The following PLB1 variants were observed in gnomAD, a reference collection of about 807,000 sequenced individuals.
The protein encoded by PLB1 is phospholipase B1.
Under a neutral mutation model 227.4 loss-of-function variants are expected in PLB1, and 242 were observed. The observed-to-expected ratio is 1.06, with a 90% confidence interval of 0.96 to 1.18. The LOEUF (loss-of-function observed/expected upper bound fraction) is 1.18, where lower values mean the gene tolerates loss of function less well. Among genes scored for constraint, PLB1 ranks in the 50% most tolerant of loss-of-function variants. The pLI is 0.00. For synonymous variants in PLB1, 757 were observed against 682.2 expected, an observed-to-expected ratio of 1.11 and a Z score of -1.71; for missense variants, 1,858 against 1,816.3, an observed-to-expected ratio of 1.02 and a Z score of -0.42.
chr2:28,520,672 A>G (rs1002301697), intron 4 of PLB1, among the ~76,000 whole-genome samples: 8 of 152,090 alleles, frequency 5.3e-5, no homozygotes, highest in African/African-American at 1.9e-4. Context: ...AGTTCTAGGT[A>G]CCTCATATAA....
Position 28,573,231 on chromosome 2 carries a change from C to T in PLB1, c.1359C>T (p.Gly453=). The T allele has an allele frequency of 6.2e-7, 1 of 1,614,136 alleles. No homozygotes were observed. The highest frequency in any genetic ancestry group is 8.5e-7 in the Non-Finnish European group (1 of 1,179,992). The change falls in exon 21 of 58, where the codon GGC becomes GGT. Residue 453 remains glycine (G), a synonymous_variant. Transcript: ENST00000327757. The part of the protein sequence containing the change: ...ILREFNPSLK[G]FSVGTGKETS... The stretch of plus-strand genomic sequence containing the variant: ...GGGAATTCAACCCTTCCCTGAAGGG[C>T]TTCTCTGTTGGCACTGGGAAAGAAA...
rs76025736 is a variant in PLB1, at chr2:28,609,664, A to C, written c.3129+3097A>C. ...TCTCAAGCTTAACATTCATTCAAAA[A>C]ATAATTTTCTGAGCAAGGAGTGTCT... On this transcript the variant is annotated intron_variant, in intron 43 of 57. Transcript: ENST00000327757. 8.9e-4 allele frequency among the ~76,000 whole-genome samples: 135 copies of C among 152,330 alleles called. 2 individuals are homozygous for C. The East Asian group carries it at 0.02, about 23-fold the overall frequency.
At chr2:28,585,281 T>C (rs1680715445) in intron 25 of PLB1, among the ~76,000 whole-genome samples, 1 of 152,096 alleles carries the variant, frequency 6.6e-6, no homozygotes, top group East Asian at 1.9e-4. Context: ...TTTTCTTTTT[T>C]TTTTTTTCTT....
chr2:28,583,849 CA>C (rs201248672), intron 25 of PLB1, among the ~76,000 whole-genome samples: 395 of 144,340 alleles, frequency 2.7e-3, no homozygotes, highest in Middle Eastern at 3.6e-3. Flanking sequence ...GCAAATATTC[CA>C]AAAAAAAAAA....
intron 6 of PLB1, among the ~76,000 whole-genome samples, chr2:28,527,256 C>G (rs1382992807): frequency 3.3e-5 from 5 of 152,156 alleles, no homozygotes; most frequent in Non-Finnish European, 2.9e-5. Flanking sequence ...GCCAGGAGTC[C>G]CAGCTGGCCA....
intron 1 of PLB1, among the ~76,000 whole-genome samples, chr2:28,497,484 C>CT (rs773941404): frequency 6.6e-6 from 1 of 152,180 alleles, no homozygotes; most frequent in African/African-American, 2.4e-5. Flanking sequence ...GACCAGCTGA[C>CT]TAGAGGCACG....
rs60393903 is a variant in PLB1 at position 28,562,540 on chromosome 2, CAA to C, written c.1148-483_1148-482del. 3.1e-3 allele frequency among the ~76,000 whole-genome samples: 130 copies of C among 42,602 alleles called. 6 individuals are homozygous for C. The highest frequency in any genetic ancestry group is 2.7e-3 in the Non-Finnish European group (69 of 25,458). 27.9% of individuals were successfully genotyped at this position (42,602 alleles called of 152,430 possible). On this transcript the variant is annotated intron_variant, in intron 17 of 57. Coordinates refer to ENST00000327757, the MANE Select transcript of PLB1 (RefSeq NM_153021.5). ...CTGGAGACAGAGCAAGACTCTGTCT[CAA>C]AAAAAAAAAAAAAAAAAGTCAGTGG... is the stretch of plus-strand genomic sequence containing the variant.
intron 17 of PLB1, among the ~76,000 whole-genome samples, chr2:28,560,665 T>C (rs750264992): frequency 2.0e-5 from 3 of 152,108 alleles, no homozygotes; most frequent in Non-Finnish European, 4.4e-5. Flanking sequence ...AACGAATATA[T>C]TGATAGATGC....
rs188921714 is a variant in PLB1 at position 28,529,356 on chromosome 2, C to T, written c.365C>T (p.Pro122Leu). Reference sequence around the variant, plus strand: ...ATCAGATATTTCAGTCCTTCTGTTCCAATGCCTGTGTGCCACACTGGAAAG... The same window carrying T: ...ATCAGATATTTCAGTCCTTCTGTTCTAATGCCTGTGTGCCACACTGGAAAG... ...DIIRYFSPSV[P>L]MPVCHTGKRV... Residue 122 changes from proline to leucine, a missense_variant, in exon 7 of 58, where the codon CCA becomes CTA. Pro to Leu is a moderately conservative substitution (Grantham distance 98, BLOSUM62 -3). Coordinates refer to ENST00000327757, the MANE Select transcript of PLB1 (RefSeq NM_153021.5). The T allele has an allele frequency of 5.6e-6, 9 of 1,611,860 alleles. No individual in the cohort carries two copies. The highest frequency in any genetic ancestry group is 6.8e-6 in the Non-Finnish European group (8 of 1,178,008).
intron 1 of PLB1, among the ~76,000 whole-genome samples, chr2:28,516,538 G>A (rs1264040390): frequency 6.6e-6 from 1 of 152,192 alleles, no homozygotes; most frequent in Non-Finnish European, 1.5e-5. Flanking sequence ...ATGTGCTTGT[G>A]CATGATATAA....
At chr2:28,628,235 G>C (rs907353247) in intron 51 of PLB1, among the ~76,000 whole-genome samples, 2 of 152,336 alleles carry the variant, frequency 1.3e-5, no homozygotes, top group Middle Eastern at 3.4e-3. Flanking sequence ...GCTGGAGAAG[G>C]CTGAGGTCAG....
At chr2:28,522,249 G>T (rs147009648) in intron 4 of PLB1, among the ~76,000 whole-genome samples, 118 of 151,990 alleles carry the variant, frequency 7.8e-4, no homozygotes, top group African/African-American at 2.7e-3. Flanking sequence ...CAGAAAGAAG[G>T]GTGAGGAGAT....
At chr2:28,602,795 C>G in intron 38 of PLB1, 26 bp from the exon 39 acceptor site, 3 of 1,601,372 alleles carry the variant, frequency 1.9e-6, no homozygotes, top group Non-Finnish European at 2.6e-6. Flanking sequence ...CTGGAGCCCC[C>G]CTCTCATCTG....
At chr2:28,526,384 T>C (rs1670271859) in intron 6 of PLB1, among the ~76,000 whole-genome samples, 1 of 152,112 alleles carries the variant, frequency 6.6e-6, no homozygotes. Flanking sequence ...TGCCCTTGCT[T>C]GTAAAATACA....
At position 28,601,307 on chromosome 2, in the gene PLB1, A is replaced by G. The variant is rs762764128; in HGVS notation, c.2582A>G (p.Asp861Gly). Residue 861 changes from aspartate (D) to glycine (G), a missense_variant, in exon 37 of 58, where the codon GAT becomes GGT. By Grantham distance (94) the Asp-to-Gly change is moderately conservative. Transcript: ENST00000327757. ...ATCACAGTGCTGATCGGAGGCAGCG[A>G]TTTATGTGACTACTGCACAGATTCG... ...KVITVLIGGS[D>G]LCDYCTDSNL... The G allele has an allele frequency of 5.6e-6, 9 of 1,614,104 alleles. No individual in the cohort carries two copies. Among genetic ancestry groups the G allele is most frequent in the Non-Finnish European group, 7.6e-6 (9 of 1,179,970 alleles).
chr2:28,599,074 A>C (rs1384227932), intron 35 of PLB1, among the ~76,000 whole-genome samples: 2 of 152,258 alleles, frequency 1.3e-5, no homozygotes, highest in African/African-American at 4.8e-5. Flanking sequence ...AGTGCTAGAG[A>C]GATCCACTCC....
intron 14 of PLB1, among the ~76,000 whole-genome samples, chr2:28,547,408 G>C (rs939508037): frequency 1.3e-5 from 2 of 152,278 alleles, no homozygotes; most frequent in East Asian, 3.9e-4. Context: ...CCTTGAGCTA[G>C]AGAGTTGCCA....
intron 49 of PLB1, 41 bp from the exon 50 acceptor site, chr2:28,625,016 C>T (rs764119820): frequency 3.8e-6 from 6 of 1,596,680 alleles, no homozygotes; most frequent in Admixed American, 1.7e-5. Context: ...GTCCTCGCTC[C>T]TGAGCCGGCA....
chr2:28,539,989 C>G (rs1430887394), intron 11 of PLB1, among the ~76,000 whole-genome samples: 1 of 148,028 alleles, frequency 6.8e-6, no homozygotes, highest in East Asian at 2.0e-4. Context: ...TACCCACCCC[C>G]CAGGGAGAGC....
Sources: gnomAD v4.1 joint callset for allele counts (sites outside exome capture counted in the v4.1 genomes callset) on GRCh38, gnomAD v4.1.1 for gene constraint, MANE v1.5 for transcripts, NCBI Gene and HGNC (gene_info 2026-07-23, HGNC 2026-07-21) for gene names.